SNX29: variants seen among roughly 807,000 people sequenced by gnomAD.
SNX29 encodes sorting nexin 29.
SNX29 carries 78 observed loss-of-function variants against 102.1 expected under a neutral mutation model. The observed-to-expected ratio is 0.76, with a 90% CI of 0.64 to 0.92. SNX29 has a LOEUF of 0.92. Ranked by LOEUF, SNX29 falls within the 40% of genes least tolerant of loss-of-function variation. The pLI is 0.00. For missense variants in SNX29, 1,280 were observed against 1,061.7 expected, an observed-to-expected ratio of 1.21 and a Z score of -2.86; for synonymous variants, 580 against 414.5, an observed-to-expected ratio of 1.40 and a Z score of -4.85.
intron 1 of SNX29, among the ~76,000 whole-genome samples, chr16:11,984,505 C>A (rs1464493314): frequency 6.6e-6 from 1 of 152,156 alleles, no homozygotes; most frequent in African/African-American, 2.4e-5. Flanking sequence ...CATGGGCTCA[C>A]TATTGATCAC....
chr16:12,329,506 A>G (rs1208869478), intron 15 of SNX29, among the ~76,000 whole-genome samples: 1 of 152,122 alleles, frequency 6.6e-6, no homozygotes, highest in Non-Finnish European at 1.5e-5. Flanking sequence ...TGTCTGGTAA[A>G]GATAATTTGG....
rs372735277 is a variant in SNX29, at chr16:12,108,856, C to T, written c.1403-17777C>T. ...AATTAATAAAGAAAAGGAGGCTGGG[C>T]ACAGTGGCTCACGCCTGTAATCCCA... is the stretch of plus-strand genomic sequence containing the variant. On this transcript the variant is annotated intron_variant, in intron 11 of 20. Transcript: ENST00000566228. Among the ~76,000 whole-genome samples the T allele has an allele frequency of 5.5e-4, 84 of 152,220 alleles. No homozygotes were observed. In the East Asian group the frequency reaches 0.013, roughly 23 times the overall value.
intron 20 of SNX29, among the ~76,000 whole-genome samples, chr16:12,550,872 G>A (rs778502106): frequency 9.9e-5 from 15 of 152,204 alleles, no homozygotes; most frequent in Non-Finnish European, 1.9e-4. Context: ...GACTTTCTGG[G>A]AGGAAACCTG....
intron 3 of SNX29, among the ~76,000 whole-genome samples, chr16:12,013,988 G>T (rs1315908427): frequency 6.6e-6 from 1 of 151,808 alleles, no homozygotes; most frequent in African/African-American, 2.4e-5. Context: ...TTTAAAGACG[G>T]GTCTTGTTAT....
chr16:12,254,266 G>A (rs983599735), intron 14 of SNX29, among the ~76,000 whole-genome samples: 2 of 152,110 alleles, frequency 1.3e-5, no homozygotes, highest in Admixed American at 6.5e-5. Context: ...ACTGGATAAC[G>A]TTTCTGAGAG....
At chr16:12,209,338 T>C (rs1809989) in intron 14 of SNX29, among the ~76,000 whole-genome samples, 32,729 of 152,038 alleles carry the variant, frequency 0.22, 3,676 homozygotes, top group African/African-American at 0.28. Context: ...TACAGGCGTG[T>C]GCCACCATGC....
At chr16:12,562,149 A>T (rs1221303291) in intron 20 of SNX29, among the ~76,000 whole-genome samples, 4 of 152,122 alleles carry the variant, frequency 2.6e-5, no homozygotes, top group Non-Finnish European at 5.9e-5. Flanking sequence ...TGGCAATACC[A>T]GGTCTGTGGA....
At chr16:12,078,789 T>C in intron 10 of SNX29, 44 bp from the exon 11 acceptor site, 1 of 1,535,462 alleles carries the variant, frequency 6.5e-7, no homozygotes, top group Non-Finnish European at 8.9e-7. Flanking sequence ...GGGTGTGTAC[T>C]TTCAGTGGCC....
intron 16 of SNX29, among the ~76,000 whole-genome samples, chr16:12,364,673 C>G (rs2082409276): frequency 6.6e-6 from 1 of 152,092 alleles, no homozygotes; most frequent in Non-Finnish European, 1.5e-5. Context: ...CAGTTTGTTC[C>G]CATGGTGGAT....
At chr16:12,408,236 C>G (rs2151533522) in intron 18 of SNX29, among the ~76,000 whole-genome samples, 1 of 152,244 alleles carries the variant, frequency 6.6e-6, no homozygotes, top group Non-Finnish European at 1.5e-5. Context: ...CAAGGCCCAG[C>G]TCAACGAAGA....
intron 16 of SNX29, chr16:12,367,353 C>G (rs1165718768): frequency 1.3e-5 from 2 of 152,270 alleles, no homozygotes; most frequent in Non-Finnish European, 2.9e-5. Flanking sequence ...TGTTCACTAG[C>G]ACGTTCGATT....
intron 11 of SNX29, among the ~76,000 whole-genome samples, chr16:12,099,087 G>T (rs2052894976): frequency 6.6e-6 from 1 of 152,238 alleles, no homozygotes; most frequent in South Asian, 2.1e-4. Context: ...CATGAGGAAA[G>T]AGACACTTAG....
chr16:12,299,912 G>A (rs1169362601), intron 15 of SNX29, among the ~76,000 whole-genome samples: 1 of 150,866 alleles, frequency 6.6e-6, no homozygotes, highest in East Asian at 1.9e-4. Context: ...GCTCTGTCAC[G>A]CAGGCTGGAG....
At chr16:12,544,611 C>G (rs550399838) in intron 20 of SNX29, among the ~76,000 whole-genome samples, 12 of 152,298 alleles carry the variant, frequency 7.9e-5, no homozygotes, top group South Asian at 4.1e-4. Flanking sequence ...ACTCCTGACT[C>G]TGCGTCATGC....
intron 20 of SNX29, among the ~76,000 whole-genome samples, chr16:12,566,425 C>T (rs1041658687): frequency 2.4e-5 from 1 of 40,974 alleles, no homozygotes; most frequent in African/African-American, 1.6e-4. Context: ...CCTCCAGGGC[C>T]TCTCCCCCCA....
intron 20 of SNX29, among the ~76,000 whole-genome samples, chr16:12,563,487 GC>G (rs2078847050): frequency 6.6e-6 from 1 of 152,206 alleles, no homozygotes; most frequent in African/African-American, 2.4e-5. Context: ...AAGGAATAGG[GC>G]TATTAAAACG....
At chr16:12,178,997 A>T (rs189008619) in intron 13 of SNX29, among the ~76,000 whole-genome samples, 11 of 152,370 alleles carry the variant, frequency 7.2e-5, no homozygotes, top group Admixed American at 3.3e-4. Context: ...TATGGGTTAA[A>T]TATAAAATAG....
chr16:12,538,011 C>T (rs1025666180), intron 20 of SNX29, among the ~76,000 whole-genome samples: 2 of 151,388 alleles, frequency 1.3e-5, no homozygotes, highest in South Asian at 2.1e-4. Context: ...AAATTGTCTG[C>T]CATTTATAGA....
chr16:12,573,687 T>C lies in SNX29; in HGVS notation c.*5058T>C, dbSNP rs1357104920. The C allele has an allele frequency of 9.0e-6, 2 of 223,078 alleles. No individual in the cohort carries two copies. The highest frequency in any genetic ancestry group is 5.7e-5 in the Admixed American group (1 of 17,472). 13.8% of individuals were successfully genotyped at this position (223,078 alleles called of 1,614,324 possible). A position where few individuals can be genotyped will look rare whatever the true frequency, so the allele number is the denominator to read the frequency against. On this transcript the variant is annotated 3_prime_UTR_variant, in exon 21 of 21. Transcript: ENST00000566228. ...GTGTAGGTAAGACAGAGGATGCCCT[T>C]GCAAAAATTGGGACTGAGGACAGTA...
Sources: allele counts gnomAD v4.1 joint callset (sites outside exome capture counted in the v4.1 genomes callset), GRCh38; gene constraint gnomAD v4.1.1; transcripts MANE v1.5; gene names NCBI Gene and HGNC (gene_info 2026-07-23, HGNC 2026-07-21).